RELN: variants seen among roughly 807,000 people sequenced by gnomAD.
RELN encodes reelin.
RELN carries 108 observed loss-of-function variants against 427.6 expected under a neutral mutation model. That is an observed-to-expected ratio of 0.25 (90% CI 0.22 to 0.30). RELN has a LOEUF of 0.30. RELN is among the 10% of genes least tolerant of loss of function. RELN has a pLI of 1.00. For synonymous variants in RELN, 1,524 were observed against 1,513.4 expected, an observed-to-expected ratio of 1.01 and a Z score of -0.16; for missense variants, 3,715 against 4,302.8, an observed-to-expected ratio of 0.86 and a Z score of 3.82.
intron 36 of RELN, among the ~76,000 whole-genome samples, chr7:103,558,414 G>A (rs1488140256): frequency 6.6e-6 from 1 of 152,172 alleles, no homozygotes; most frequent in East Asian, 1.9e-4. Context: ...TGGAAAATGT[G>A]CCAAGTGCTC....
intron 10 of RELN, among the ~76,000 whole-genome samples, chr7:103,691,359 A>G (rs1390880683): frequency 6.6e-6 from 1 of 152,166 alleles, no homozygotes; most frequent in East Asian, 1.9e-4. Context: ...AGAAATATCT[A>G]AAGAAGACAA....
In RELN at chr7:103,534,539, G is replaced by A. The variant is rs192030086; in HGVS notation, c.7349+777C>T. ...GTCTGGCTCTGACACCCAAGCTGGA[G>A]TGCAGTGGCATGATCATAGCTCACT... On this transcript the variant is annotated intron_variant, in intron 46 of 64. Transcript: ENST00000428762. 1.1e-4 allele frequency among the ~76,000 whole-genome samples: 16 copies of A among 151,972 alleles called. No homozygotes were observed. In the East Asian group the frequency reaches 1.2e-3, roughly 11 times the overall value.
intron 10 of RELN, among the ~76,000 whole-genome samples, chr7:103,693,356 G>T (rs1217402633): frequency 2.0e-5 from 3 of 148,608 alleles, no homozygotes; most frequent in Non-Finnish European, 4.5e-5. Flanking sequence ...GGGTTGGGGG[G>T]CAAGGGGAGG....
chr7:103,576,446 C>T (rs1831004845), intron 28 of RELN, among the ~76,000 whole-genome samples: 1 of 152,172 alleles, frequency 6.6e-6, no homozygotes, highest in Non-Finnish European at 1.5e-5. Context: ...AGATTGATTT[C>T]TTTTTCAGCA....
At chr7:103,905,112 T>C (rs1432827597) in intron 2 of RELN, among the ~76,000 whole-genome samples, 2 of 151,774 alleles carry the variant, frequency 1.3e-5, no homozygotes, top group South Asian at 2.1e-4. Flanking sequence ...TCCTGAGTTA[T>C]TGGGACTACA....
intron 24 of RELN, among the ~76,000 whole-genome samples, chr7:103,599,706 A>G (rs1831619658): frequency 6.6e-6 from 1 of 152,156 alleles, no homozygotes; most frequent in Admixed American, 6.6e-5. Flanking sequence ...ATTTTATGTG[A>G]ATGCAGAGAA....
intron 28 of RELN, among the ~76,000 whole-genome samples, chr7:103,588,432 G>A (rs559880004): frequency 2.0e-5 from 3 of 152,148 alleles, no homozygotes; most frequent in Non-Finnish European, 2.9e-5. Flanking sequence ...GGGTTAAAGC[G>A]TACAAACATA....
chr7:103,797,854 A>G (rs1792347313), intron 3 of RELN, among the ~76,000 whole-genome samples: 1 of 152,184 alleles, frequency 6.6e-6, no homozygotes, highest in African/African-American at 2.4e-5. Flanking sequence ...AAGACATTCA[A>G]TTTTGCCTGG....
chr7:103,633,700 GATTA>G (rs933401486), intron 19 of RELN, among the ~76,000 whole-genome samples: 2 of 152,072 alleles, frequency 1.3e-5, no homozygotes, highest in South Asian at 2.1e-4. Context: ...TATCAACAAA[GATTA>G]ATTAAATTTC....
chr7:103,921,246 CCCACA>C (rs1795611241), intron 1 of RELN, among the ~76,000 whole-genome samples: 5 of 152,222 alleles, frequency 3.3e-5, no homozygotes, highest in Admixed American at 1.3e-4. Flanking sequence ...TGGGATAACA[CCCACA>C]AGTTATCCAT....
chr7:103,722,401 A>T (rs78568477), intron 8 of RELN, among the ~76,000 whole-genome samples: 1,701 of 152,260 alleles, frequency 0.011, 31 homozygotes, highest in African/African-American at 0.039. Context: ...TTCTCATGCC[A>T]TAGGAAATGG....
chr7:103,841,684 G>C (rs1057323990), intron 2 of RELN, among the ~76,000 whole-genome samples: 1 of 152,066 alleles, frequency 6.6e-6, no homozygotes, highest in Non-Finnish European at 1.5e-5. Context: ...ACGGTAACTA[G>C]AAGTTCTATG....
At chr7:103,807,988 G>C (rs1792641468) in intron 3 of RELN, among the ~76,000 whole-genome samples, 2 of 152,050 alleles carry the variant, frequency 1.3e-5, no homozygotes, top group Non-Finnish European at 2.9e-5. Flanking sequence ...TGAGAACAGA[G>C]ATAAGCAAAA....
At chr7:103,507,768 A>T (rs1302076182) in intron 51 of RELN, among the ~76,000 whole-genome samples, 2 of 152,192 alleles carry the variant, frequency 1.3e-5, no homozygotes. Flanking sequence ...AAAGATCAAC[A>T]AAAGAGATGG....
At chr7:103,722,476 A>G (rs1297554443) in intron 8 of RELN, among the ~76,000 whole-genome samples, 3 of 152,186 alleles carry the variant, frequency 2.0e-5, no homozygotes, top group African/African-American at 7.2e-5. Context: ...TTCTTCCCCT[A>G]GAACATTTCC....
chr7:103,975,796 T>C, intron 1 of RELN, among the ~76,000 whole-genome samples: 1 of 148,932 alleles, frequency 6.7e-6, no homozygotes, highest in East Asian at 2.0e-4. Flanking sequence ...TCCGCCCACC[T>C]TGGCATCCCA....
intron 10 of RELN, among the ~76,000 whole-genome samples, chr7:103,692,852 G>C (rs974659838): frequency 1.1e-4 from 17 of 152,122 alleles, no homozygotes; most frequent in African/African-American, 4.1e-4. Flanking sequence ...CTAGCACAAA[G>C]AGGAGGGAGA....
Position 103,522,233 on chromosome 7 carries a change from A to T in RELN, c.7491-34T>A, listed in dbSNP as rs1186616060. 3 of 1,606,596 alleles carry T rather than the reference A, an allele frequency of 1.9e-6. No individual in the cohort carries two copies. In the Admixed American group the frequency reaches 5.0e-5, roughly 27 times the overall value. ...AGAGCAAGAGAGAGGAAAAGTCAAC[A>T]TCAGACAAAGCCCCTGCAAGCTTGT... On this transcript the variant is annotated intron_variant, in intron 47 of 64. Coordinates refer to ENST00000428762, the MANE Select transcript of RELN (RefSeq NM_005045.4).
At chr7:103,877,153 A>G (rs1485976230) in intron 2 of RELN, among the ~76,000 whole-genome samples, 3 of 152,026 alleles carry the variant, frequency 2.0e-5, no homozygotes, top group Non-Finnish European at 4.4e-5. Context: ...AATTTAACAC[A>G]CACCTCACCT....
Sources: gnomAD v4.1 joint callset for allele counts (sites outside exome capture counted in the v4.1 genomes callset) on GRCh38, gnomAD v4.1.1 for gene constraint, MANE v1.5 for transcripts, NCBI Gene and HGNC (gene_info 2026-07-23, HGNC 2026-07-21) for gene names.